Variants in INSYN2A observed in about 807,000 individuals in gnomAD.
INSYN2A encodes the protein inhibitory synaptic factor 2A, also known as family with sequence similarity 196 member A.
Under a neutral mutation model 39.4 loss-of-function variants are expected in INSYN2A, and 17 were observed. That is an observed-to-expected ratio of 0.43 (90% CI 0.30 to 0.65). The LOEUF (loss-of-function observed/expected upper bound fraction) is 0.65, where lower values mean the gene tolerates loss of function less well. Ranked by LOEUF, INSYN2A falls within the 30% of genes least tolerant of loss-of-function variation. INSYN2A has a pLI of 0.14. For missense variants in INSYN2A, 595 were observed against 631.2 expected, an observed-to-expected ratio of 0.94 and a Z score of 0.61; for synonymous variants, 255 against 265.7, an observed-to-expected ratio of 0.96 and a Z score of 0.39.
intron 2 of INSYN2A, among the ~76,000 whole-genome samples, chr10:127,177,732 G>A (rs1432133146): frequency 1.3e-5 from 2 of 152,240 alleles, no homozygotes; most frequent in Non-Finnish European, 2.9e-5. Context: ...ATTGGAAAAT[G>A]CCACAAGAAC....
At chr10:127,183,999 G>T (rs545937771) in intron 2 of INSYN2A, among the ~76,000 whole-genome samples, 1 of 152,190 alleles carries the variant, frequency 6.6e-6, no homozygotes, top group South Asian at 2.1e-4. Flanking sequence ...GTCTTCGAAG[G>T]TTTATCTCTT....
At chr10:127,165,678 C>T (rs933962405) in intron 4 of INSYN2A, among the ~76,000 whole-genome samples, 2 of 152,130 alleles carry the variant, frequency 1.3e-5, no homozygotes, top group Non-Finnish European at 2.9e-5. Flanking sequence ...AGGCATGTGA[C>T]GGTCCTCTGA....
chr10:127,182,561 AGAGAT>A (rs2055839183), intron 2 of INSYN2A, among the ~76,000 whole-genome samples: 1 of 152,220 alleles, frequency 6.6e-6, no homozygotes, highest in Non-Finnish European at 1.5e-5. Context: ...CTACATTCAT[AGAGAT>A]GAATTACCAA....
At chr10:127,180,010 CAG>C (rs1446055195) in intron 2 of INSYN2A, among the ~76,000 whole-genome samples, 3 of 152,180 alleles carry the variant, frequency 2.0e-5, no homozygotes, top group Admixed American at 6.6e-5. Flanking sequence ...GCAACTTGCT[CAG>C]AGTGAGGAGG....
intron 4 of INSYN2A, among the ~76,000 whole-genome samples, chr10:127,173,712 A>ACT (rs543991492): frequency 2.8e-3 from 429 of 152,252 alleles, no homozygotes; most frequent in African/African-American, 9.7e-3. Context: ...AGGAATGTGG[A>ACT]CTACTGATCA....
chr10:127,168,845 G>T (rs184294709), intron 4 of INSYN2A, among the ~76,000 whole-genome samples: 92 of 152,312 alleles, frequency 6.0e-4, no homozygotes, highest in African/African-American at 2.1e-3. Context: ...AATTTTCCAT[G>T]TGGGTTCTTT....
rs1366509899 is a variant in INSYN2A, at chr10:127,175,535, C to T, written c.861G>A (p.Glu287=). The T allele has an allele frequency of 2.5e-6, 4 of 1,610,512 alleles. No homozygotes were observed. Among genetic ancestry groups the T allele is most frequent in the Middle Eastern group, 1.7e-4 (1 of 6,058 alleles). The change falls in exon 4 of 6, where the codon GAG becomes GAA. Residue 287 remains glutamate (E), a synonymous_variant. Coordinates refer to ENST00000522781, the MANE Select transcript of INSYN2A (RefSeq NM_001039762.3). The surrounding 1 kb of genome is among the most constrained non-coding windows in gnomAD (Gnocchi z 6.3). ...CGTTGAGATGTGTGGCTCTCCTCCG[C>T]TCGTCATCTGCCGGGCAGAGTGACC... ...SQWSLCPADD[E]RRRATHLNGL...
intron 5 of INSYN2A, among the ~76,000 whole-genome samples, chr10:127,140,013 G>A (rs12249755): frequency 0.14 from 21,700 of 152,200 alleles, 1,820 homozygotes; most frequent in African/African-American, 0.22. Context: ...TATACGGTAT[G>A]TTAGGTATAG....
rs565895276 is a variant in INSYN2A, at chr10:127,175,901, C to A, written c.495G>T (p.Gly165=). ...CCAAGGCTGTGGTCTTGTGCACCCG[C>A]CCCGCGCCACATGGCCGGGCCTCCT... is the stretch of plus-strand genomic sequence containing the variant. The part of the protein sequence containing the change: ...PMEEARPCGA[G]RVHKTTALVF... The change falls in exon 4 of 6, where the codon GGG becomes GGT. Residue 165 remains glycine, a synonymous_variant. Coordinates refer to ENST00000522781, the MANE Select transcript of INSYN2A (RefSeq NM_001039762.3). The surrounding 1 kb of genome is among the most constrained non-coding windows in gnomAD (Gnocchi z 6.3). 4 of 1,614,208 alleles carry A rather than the reference C, an allele frequency of 2.5e-6. No individual in the cohort carries two copies. Among genetic ancestry groups the A allele is most frequent in the East Asian group, 4.5e-5 (2 of 44,866 alleles).
chr10:127,175,461 T>C lies in INSYN2A; in HGVS notation c.935A>G (p.Gln312Arg). The C allele has an allele frequency of 6.2e-7, 1 of 1,610,850 alleles. No individual in the cohort carries two copies. The highest frequency in any genetic ancestry group is 2.2e-5 in the East Asian group (1 of 44,868). Residue 312 changes from glutamine to arginine, a missense_variant, in exon 4 of 6, where the codon CAG (glutamine) becomes CGG (arginine). Physicochemically the swap from Gln to Arg is conservative, Grantham distance 43. Around this residue, in one of 2 missense-constraint regions of INSYN2A, gnomAD observed 478 missense variants for 467.4 expected, o/e 1.02. Transcript: ENST00000522781. The surrounding 1 kb of genome is among the most constrained non-coding windows in gnomAD (Gnocchi z 6.3). ...ETALACSPPM[Q>R]CLSPECSEQP... ...CTCACTACATTCGGGGGACAGGCAC[T>C]GCATCGGGGGTGAGCAGGCCAGGGC...
rs144852587 is a variant in INSYN2A at position 127,147,274 on chromosome 10, A to G, written c.1256+6578T>C. On this transcript the variant is annotated intron_variant, in intron 5 of 5. Coordinates refer to ENST00000522781, the MANE Select transcript of INSYN2A (RefSeq NM_001039762.3). ...GTGTTCACGGGTCGCGAGGTTTCCCATCCATCCTTGGGGGTGCCCTGGCTG... is the reference window on the plus strand; with the variant it reads ...GTGTTCACGGGTCGCGAGGTTTCCCGTCCATCCTTGGGGGTGCCCTGGCTG... Among the ~76,000 whole-genome samples, 1,004 of 152,148 alleles carry G rather than the reference A, an allele frequency of 6.6e-3. 4 individuals are homozygous for G. The highest frequency in any genetic ancestry group is 0.012 in the Admixed American group (176 of 15,276).
At chr10:127,186,449 C>A (rs966586208) in intron 2 of INSYN2A, among the ~76,000 whole-genome samples, 1 of 139,254 alleles carries the variant, frequency 7.2e-6, no homozygotes, top group African/African-American at 2.6e-5. Flanking sequence ...ATCCGATAGA[C>A]AACCATCAGA....
intron 5 of INSYN2A, among the ~76,000 whole-genome samples, chr10:127,142,215 G>A (rs988162970): frequency 1.3e-5 from 2 of 152,226 alleles, no homozygotes; most frequent in African/African-American, 4.8e-5. Flanking sequence ...TTCCCAGGGC[G>A]GCTCCAGTGC....
At position 127,179,094 on chromosome 10, in the gene INSYN2A, T is replaced by A. The variant is rs141146131; in HGVS notation, c.-268-1955A>T. ...TACAAAAAGCAATTTACTAGTAATT[T>A]ATCAGCCTTTTCCCTGCTACTTCTG... On this transcript the variant is annotated intron_variant, in intron 2 of 5. Transcript: ENST00000522781. Among the ~76,000 whole-genome samples the A allele has an allele frequency of 3.1e-3, 476 of 152,340 alleles. 4 individuals carry two copies. Among genetic ancestry groups the A allele is most frequent in the African/African-American group, 0.011 (454 of 41,570 alleles).
chr10:127,172,410 G>A (rs1270336730), intron 4 of INSYN2A, among the ~76,000 whole-genome samples: 1 of 152,158 alleles, frequency 6.6e-6, no homozygotes, highest in African/African-American at 2.4e-5. Context: ...TGTCACTCCT[G>A]GGACTCTGTG....
intron 5 of INSYN2A, among the ~76,000 whole-genome samples, chr10:127,150,384 T>A (rs2052374682): frequency 8.1e-6 from 1 of 123,608 alleles, no homozygotes; most frequent in South Asian, 2.9e-4. Context: ...AGTGACCCTG[T>A]GTATCAGCAA....
At position 127,176,517 on chromosome 10, in the gene INSYN2A, G is replaced by A; in HGVS notation, c.-5-117C>T. The A allele has an allele frequency of 2.4e-6, 2 of 829,126 alleles. No individual in the cohort carries two copies. Among genetic ancestry groups the A allele is most frequent in the Non-Finnish European group, 3.7e-6 (2 of 537,714 alleles). 51.4% of individuals were successfully genotyped at this position (829,126 alleles called of 1,614,324 possible). On this transcript the variant is annotated intron_variant, in intron 3 of 5. Coordinates refer to ENST00000522781, the MANE Select transcript of INSYN2A (RefSeq NM_001039762.3). This position sits in a 1 kb window ranked among gnomAD's most constrained non-coding sequence, Gnocchi z 4.4. ...CCTGTTTCCTAATTATATTTAAGCAGGTGAGGTCGGCCTTTATGTTAAGGA... is the reference window on the plus strand; with the variant it reads ...CCTGTTTCCTAATTATATTTAAGCAAGTGAGGTCGGCCTTTATGTTAAGGA...
At chr10:127,170,833 A>C (rs2054505804) in intron 4 of INSYN2A, among the ~76,000 whole-genome samples, 1 of 152,236 alleles carries the variant, frequency 6.6e-6, no homozygotes, top group South Asian at 2.1e-4. Context: ...ACACAAGCAT[A>C]ATACTAAGAG....
At chr10:127,192,963 C>T (rs547092550) in intron 1 of INSYN2A, among the ~76,000 whole-genome samples, 80 of 152,254 alleles carry the variant, frequency 5.3e-4, no homozygotes, top group African/African-American at 1.9e-3. Context: ...CATAGGTTAG[C>T]TCCAGTATTG....
Sources: gnomAD v4.1 joint callset for allele counts (sites outside exome capture counted in the v4.1 genomes callset) on GRCh38, gnomAD v4.1.1 for gene constraint, gnomAD v4.1.1 regional missense constraint, Gnocchi (gnomAD v3.1) non-coding constraint, MANE v1.5 for transcripts, NCBI Gene and HGNC (gene_info 2026-07-23, HGNC 2026-07-21) for gene names.